The following PCDHA7 variants were observed in gnomAD, a reference collection of about 807,000 sequenced individuals.
PCDHA7 encodes protocadherin alpha 7, also known as protocadherin alpha-7.
In PCDHA7, 37 loss-of-function variants were observed where a neutral mutation model predicts 57.2. That is an observed-to-expected ratio of 0.65 (90% CI 0.50 to 0.85). The LOEUF (loss-of-function observed/expected upper bound fraction) is 0.85, where lower values mean the gene tolerates loss of function less well. Ranked by LOEUF, PCDHA7 falls within the 40% of genes least tolerant of loss-of-function variation. The pLI is 0.00. For missense variants in PCDHA7, 1,188 were observed against 1,241.8 expected (o/e 0.96, Z 0.65); for synonymous variants, 553 against 558.8 (o/e 0.99, Z 0.15).
intron 1 of PCDHA7, chr5:140,927,907 G>A (rs1179807732): frequency 4.9e-5 from 79 of 1,614,038 alleles, no homozygotes; most frequent in Non-Finnish European, 6.6e-5. Flanking sequence ...TCATGCCCCC[G>A]AACTGGACTT....
intron 3 of PCDHA7, 87 bp downstream of exon 3, chr5:140,982,650 C>T (rs1299219435): frequency 4.6e-6 from 7 of 1,507,000 alleles, no homozygotes; most frequent in Non-Finnish European, 5.3e-6. Flanking sequence ...ATGTTGATGG[C>T]TCTTTTTCTT....
intron 1 of PCDHA7, among the ~76,000 whole-genome samples, chr5:140,891,954 G>C (rs782159289): frequency 4.6e-5 from 7 of 152,318 alleles, no homozygotes; most frequent in Admixed American, 6.5e-5. Flanking sequence ...CTCCAGAATT[G>C]TGAGAAGTAA....
At chr5:140,910,067 G>A (rs868941459) in intron 1 of PCDHA7, among the ~76,000 whole-genome samples, 11 of 152,312 alleles carry the variant, frequency 7.2e-5, no homozygotes, top group Non-Finnish European at 1.3e-4. Context: ...TTTTAACAGC[G>A]TAAATTGTTG....
At chr5:140,877,798 CT>C (rs782663782) in intron 1 of PCDHA7, 1 of 1,613,568 alleles carries the variant, frequency 6.2e-7, no homozygotes, top group Non-Finnish European at 8.5e-7. Context: ...CAGCCCAAGC[CT>C]TCAGCTGTCT....
intron 1 of PCDHA7, chr5:140,877,827 T>C (rs1554170143): frequency 1.2e-6 from 2 of 1,601,676 alleles, no homozygotes; most frequent in Middle Eastern, 1.7e-4. Flanking sequence ...ATTGTTTAAA[T>C]CCTCCCAGTG....
At chr5:140,876,174 T>G (rs957879450) in intron 1 of PCDHA7, 2 of 1,613,816 alleles carry the variant, frequency 1.2e-6, no homozygotes, top group African/African-American at 2.7e-5. Flanking sequence ...CCGTCCTGGA[T>G]GTGAATGACA....
At chr5:140,863,326 G>A (rs782427157) in intron 1 of PCDHA7, 10 of 1,432,588 alleles carry the variant, frequency 7.0e-6, no homozygotes, top group Non-Finnish European at 9.5e-6. Flanking sequence ...CAGCCTGTTA[G>A]TGCTCACGTT....
intron 1 of PCDHA7, among the ~76,000 whole-genome samples, chr5:140,971,037 TA>T (rs2096453416): frequency 1.3e-5 from 2 of 152,200 alleles, no homozygotes; most frequent in Admixed American, 6.5e-5. Context: ...TGAAAGCACG[TA>T]AAAGGGTTTA....
At position 141,010,636 on chromosome 5, in the gene PCDHA7, A is replaced by G; in HGVS notation, c.*699A>G. On this transcript the variant is annotated 3_prime_UTR_variant, in exon 4 of 4. Coordinates refer to ENST00000525929, the MANE Select transcript of PCDHA7 (RefSeq NM_018910.3). ...AAAATCTGCATCATACCTGCAAGCC[A>G]ACAGTTCAGTGTTTTAACAGAGAAC... is the stretch of plus-strand genomic sequence containing the variant. 1 of 183,300 alleles carries G rather than the reference A, an allele frequency of 5.5e-6. No individual in the cohort carries two copies. The highest frequency in any genetic ancestry group is 1.2e-5 in the Non-Finnish European group (1 of 86,478). 11.4% of individuals were successfully genotyped at this position (183,300 alleles called of 1,614,324 possible). A position where few individuals can be genotyped will look rare whatever the true frequency, so the allele number is the denominator to read the frequency against.
intron 1 of PCDHA7, among the ~76,000 whole-genome samples, chr5:140,838,622 A>G (rs1163136173): frequency 6.6e-6 from 1 of 152,030 alleles, no homozygotes; most frequent in Non-Finnish European, 1.5e-5. Flanking sequence ...AATTTTTTAC[A>G]AATAATTTGG....
intron 1 of PCDHA7, chr5:140,968,123 C>T (rs782499744): frequency 1.1e-5 from 17 of 1,614,058 alleles, no homozygotes; most frequent in Admixed American, 3.3e-5. Context: ...CACATCCCTG[C>T]GTACACTGAA....
intron 1 of PCDHA7, chr5:140,870,608 C>G (rs1408684171): frequency 6.2e-7 from 1 of 1,613,106 alleles, no homozygotes; most frequent in African/African-American, 1.3e-5. Flanking sequence ...GGCGACCGCG[C>G]GCTGTCGAGC....
intron 1 of PCDHA7, among the ~76,000 whole-genome samples, chr5:140,881,751 A>C (rs974973794): frequency 2.0e-5 from 3 of 152,206 alleles, no homozygotes; most frequent in African/African-American, 7.2e-5. Context: ...GGACAGTACC[A>C]CAAAAACCTA....
chr5:140,856,170 G>T, intron 1 of PCDHA7: 1 of 1,598,322 alleles, frequency 6.3e-7, no homozygotes, highest in Non-Finnish European at 8.6e-7. Context: ...GCCAGACACG[G>T]CACCTTCGTG....
intron 1 of PCDHA7, chr5:140,876,833 C>T: frequency 3.1e-6 from 5 of 1,614,176 alleles, no homozygotes; most frequent in Non-Finnish European, 4.2e-6. Context: ...AATGCGCCTG[C>T]GTTCGCGCAG....
At chr5:140,923,434 G>A (rs1461886077) in intron 1 of PCDHA7, among the ~76,000 whole-genome samples, 1 of 152,088 alleles carries the variant, frequency 6.6e-6, no homozygotes, top group Non-Finnish European at 1.5e-5. Context: ...AGGCTGGGGT[G>A]GGAGGATCAC....
Position 140,835,076 on chromosome 5 carries a change from G to C in PCDHA7, c.693G>C (p.Thr231=), listed in dbSNP as rs2150230443. 6.7e-4 allele frequency: 808 copies of C among 1,210,720 alleles called. No homozygotes were observed. Among genetic ancestry groups the C allele is most frequent in the Non-Finnish European group, 8.8e-4 (776 of 884,762 alleles). The allele number at this position is 1,210,720 out of a possible 1,614,324, so 75.0% of individuals were successfully genotyped here. The change falls in exon 1 of 4, where the codon ACG becomes ACC. Residue 231 remains threonine, a synonymous_variant. Transcript: ENST00000525929. The stretch of plus-strand genomic sequence containing the variant: ...CTGGCACCGTTCAATTACTCATCAC[G>C]GTACTGGACAACAATGACAATGCCC... The part of the protein sequence containing the change: ...ELTGTVQLLI[T]VLDNNDNAPV...
chr5:140,870,736 A>G lies in PCDHA7; in HGVS notation c.2355+33998A>G, dbSNP rs201357017. ...GCGCGATGCGGGCGTGCCGCCTCTG[A>G]GCAGCAACGTGACGCTGCAGGTGTT... On this transcript the variant is annotated intron_variant, in intron 1 of 3. Transcript: ENST00000525929. 8.7e-4 allele frequency: 1,399 copies of G among 1,613,426 alleles called. 10 individuals carry two copies. In the African/African-American group the frequency reaches 0.015, roughly 17 times the overall value.
chr5:140,876,408 G>C (rs781814727), intron 1 of PCDHA7: 1 of 1,613,942 alleles, frequency 6.2e-7, no homozygotes, highest in South Asian at 1.1e-5. Flanking sequence ...ATTTTGAAGA[G>C]AATAATGCCT....
Sources: allele counts gnomAD v4.1 joint callset (sites outside exome capture counted in the v4.1 genomes callset), GRCh38; gene constraint gnomAD v4.1.1; transcripts MANE v1.5; gene names NCBI Gene and HGNC (gene_info 2026-07-23, HGNC 2026-07-21).